Variants in XPO1 observed in about 807,000 individuals in gnomAD.
XPO1 encodes the protein exportin 1, also known as exportin-1.
Under a neutral mutation model 133.3 loss-of-function variants are expected in XPO1, and 5 were observed. The observed-to-expected ratio is 0.04, with a 90% confidence interval of 0.02 to 0.08. The LOEUF is 0.08. Ranked by LOEUF, XPO1 falls within the 10% of genes least tolerant of loss-of-function variation. XPO1 has a pLI of 1.00. For missense variants in XPO1, 506 were observed against 1,267.5 expected (o/e 0.40, Z 9.12); for synonymous variants, 419 against 408.2 (o/e 1.03, Z -0.32).
chr2:61,501,089 TCTCTC>T (rs1031956244), intron 6 of XPO1, among the ~76,000 whole-genome samples: 40 of 152,130 alleles, frequency 2.6e-4, no homozygotes, highest in African/African-American at 9.7e-4. Context: ...TTCTTTATAT[TCTCTC>T]CTCTCTCTCA....
chr2:61,488,490 G>C, intron 18 of XPO1, 98 bp downstream of exon 18: 4 of 1,352,924 alleles, frequency 3.0e-6, no homozygotes, highest in East Asian at 2.3e-5. Context: ...TGGGAGGTCT[G>C]ATTTAAATCT....
At chr2:61,535,477 G>C (rs1039200521) in intron 1 of XPO1, among the ~76,000 whole-genome samples, 2 of 152,092 alleles carry the variant, frequency 1.3e-5, no homozygotes, top group African/African-American at 4.8e-5. Flanking sequence ...ATTATATTTA[G>C]ACAAACTAGC....
At chr2:61,494,465 A>T (rs185312131) in intron 11 of XPO1, 36 of 193,062 alleles carry the variant, frequency 1.9e-4, no homozygotes, top group Admixed American at 1.7e-3. Flanking sequence ...CAGACATGAT[A>T]AAAAGTGAGG....
chr2:61,502,101 G>C, intron 5 of XPO1, 61 bp from the exon 6 acceptor site: 2 of 1,533,862 alleles, frequency 1.3e-6, no homozygotes, highest in Non-Finnish European at 1.8e-6. Flanking sequence ...AATATAACCA[G>C]ACAATCCTAA....
chr2:61,496,238 G>T (rs1051534550), intron 10 of XPO1, among the ~76,000 whole-genome samples: 1 of 151,418 alleles, frequency 6.6e-6, no homozygotes, highest in Non-Finnish European at 1.5e-5. Flanking sequence ...AAGAGACAGG[G>T]ATTTACCCTG....
intron 18 of XPO1, 151 bp from the exon 19 acceptor site, chr2:61,488,422 T>C: frequency 8.3e-7 from 1 of 1,199,640 alleles, no homozygotes; most frequent in African/African-American, 1.5e-5. Flanking sequence ...TTAAGACTAA[T>C]TTTAAAAGGG....
intron 21 of XPO1, 191 bp downstream of exon 21, chr2:61,483,746 A>T: frequency 1.7e-6 from 1 of 588,424 alleles, no homozygotes; most frequent in Non-Finnish European, 2.9e-6. Flanking sequence ...CCATAACTCA[A>T]TTCTGCCTAT....
intron 24 of XPO1, among the ~76,000 whole-genome samples, chr2:61,479,236 G>A (rs938556380): frequency 3.3e-5 from 5 of 152,098 alleles, no homozygotes; most frequent in East Asian, 1.9e-4. Flanking sequence ...AGGCAGAGAC[G>A]GGAAGAATAC....
At chr2:61,531,313 G>C (rs1253043687) in intron 2 of XPO1, among the ~76,000 whole-genome samples, 1 of 152,140 alleles carries the variant, frequency 6.6e-6, no homozygotes, top group Admixed American at 6.5e-5. Context: ...AACTACTGCA[G>C]ACAAAATCCT....
intron 23 of XPO1, among the ~76,000 whole-genome samples, chr2:61,481,800 A>G (rs1448801256): frequency 1.3e-5 from 2 of 148,230 alleles, no homozygotes; most frequent in African/African-American, 5.0e-5. Context: ...GCAGTGGCAC[A>G]ATCTCGGCTC....
intron 2 of XPO1, among the ~76,000 whole-genome samples, chr2:61,532,550 A>G (rs1239746425): frequency 6.6e-6 from 1 of 151,678 alleles, no homozygotes; most frequent in Non-Finnish European, 1.5e-5. Context: ...ACCATAAAAG[A>G]TTTCTGGCCA....
chr2:61,532,698 G>A (rs1264813635), intron 2 of XPO1, among the ~76,000 whole-genome samples: 1 of 150,718 alleles, frequency 6.6e-6, no homozygotes, highest in African/African-American at 2.5e-5. Context: ...AGCTGGGCAT[G>A]GTGGCGCGTC....
At chr2:61,510,981 G>T (rs1183974424) in intron 4 of XPO1, among the ~76,000 whole-genome samples, 1 of 151,542 alleles carries the variant, frequency 6.6e-6, no homozygotes, top group Non-Finnish European at 1.5e-5. Flanking sequence ...GTAAGCTAGG[G>T]ATCAAACACT....
intron 11 of XPO1, 87 bp from the exon 12 acceptor site, chr2:61,494,178 T>C: frequency 8.1e-7 from 1 of 1,233,562 alleles, no homozygotes; most frequent in South Asian, 1.5e-5. Flanking sequence ...TAAGGGAAAA[T>C]AAAAATTCAT....
At chr2:61,528,194 G>A (rs1460928489) in intron 2 of XPO1, among the ~76,000 whole-genome samples, 1 of 151,932 alleles carries the variant, frequency 6.6e-6, no homozygotes, top group South Asian at 2.1e-4. Context: ...CCAAAGTGCT[G>A]GGATTACACC....
chr2:61,522,070 A>C (rs147170619), intron 4 of XPO1, among the ~76,000 whole-genome samples: 4 of 149,182 alleles, frequency 2.7e-5, no homozygotes, highest in African/African-American at 9.9e-5. Flanking sequence ...TATTTTATTT[A>C]TATATATGTT....
intron 4 of XPO1, among the ~76,000 whole-genome samples, chr2:61,503,573 C>T (rs779571640): frequency 2.6e-5 from 4 of 152,106 alleles, no homozygotes; most frequent in Non-Finnish European, 5.9e-5. Context: ...TACAGGCGCC[C>T]GCCACCATGC....
intron 19 of XPO1, among the ~76,000 whole-genome samples, chr2:61,486,447 G>A (rs974691952): frequency 4.7e-5 from 6 of 127,590 alleles, no homozygotes; most frequent in African/African-American, 1.7e-4. Context: ...GGCAGCAAGC[G>A]AGCCCTCAAT....
chr2:61,507,245 A>G (rs957455324), intron 4 of XPO1, among the ~76,000 whole-genome samples: 1 of 146,766 alleles, frequency 6.8e-6, no homozygotes, highest in African/African-American at 2.5e-5. Context: ...CTCCATCTCA[A>G]AAAAAAAAAA....
Sources: allele counts gnomAD v4.1 joint callset (sites outside exome capture counted in the v4.1 genomes callset), GRCh38; gene constraint gnomAD v4.1.1; transcripts MANE v1.5; gene names NCBI Gene and HGNC (gene_info 2026-07-23, HGNC 2026-07-21).